KCNIP4: variants seen among roughly 807,000 people sequenced by gnomAD.
KCNIP4 encodes Kv channel-interacting protein 4.
A neutral mutation model predicts 34.0 loss-of-function variants in KCNIP4; 12 were observed. The observed-to-expected ratio is 0.35, with a 90% CI of 0.23 to 0.57. The LOEUF is 0.57. Among genes scored for constraint, KCNIP4 ranks in the 20% least tolerant of loss-of-function variants. The probability of loss-of-function intolerance (pLI) is 0.83; values close to 1 mark genes in which losing one functional copy is unlikely to be tolerated. For missense variants in KCNIP4, 238 were observed against 311.7 expected, an observed-to-expected ratio of 0.76 and a Z score of 1.78; for synonymous variants, 124 against 102.2, an observed-to-expected ratio of 1.21 and a Z score of -1.29.
chr4:21,900,497 T>C (rs1406529507), intron 1 of KCNIP4, among the ~76,000 whole-genome samples: 1 of 152,174 alleles, frequency 6.6e-6, no homozygotes, highest in Non-Finnish European at 1.5e-5. Context: ...GAGAAAGTAG[T>C]ACCAATCCAG....
intron 2 of KCNIP4, among the ~76,000 whole-genome samples, chr4:20,863,486 C>T (rs750509191): frequency 6.6e-6 from 1 of 152,138 alleles, no homozygotes; most frequent in East Asian, 1.9e-4. Context: ...GGCTGCCTGA[C>T]CCCTAAACTA....
intron 1 of KCNIP4, among the ~76,000 whole-genome samples, chr4:21,941,448 G>A (rs1289517286): frequency 6.6e-6 from 1 of 151,154 alleles, no homozygotes; most frequent in Non-Finnish European, 1.5e-5. Flanking sequence ...GACATCTGGA[G>A]ATGGAAGTCT....
chr4:21,410,495 A>G (rs184207737), intron 1 of KCNIP4, among the ~76,000 whole-genome samples: 1 of 152,166 alleles, frequency 6.6e-6, no homozygotes, highest in Non-Finnish European at 1.5e-5. Flanking sequence ...CATTCAAGCA[A>G]CACTATGGAA....
chr4:21,365,291 C>A lies in KCNIP4; in HGVS notation c.62-482582G>T, dbSNP rs142876582. Among the ~76,000 whole-genome samples the A allele has an allele frequency of 1.1e-3, 161 of 151,994 alleles. 1 individual carries two copies. The highest frequency in any genetic ancestry group is 3.8e-3 in the African/African-American group (158 of 41,460). On this transcript the variant is annotated intron_variant, in intron 1 of 8. Coordinates refer to ENST00000382152, the MANE Select transcript of KCNIP4 (RefSeq NM_025221.6). ...CTTGAGGTCAAGAGTTCAAGACCAG[C>A]CTGGTCAATATGATGGAACCCCATC...
At chr4:21,450,116 G>T (rs1728386562) in intron 1 of KCNIP4, among the ~76,000 whole-genome samples, 1 of 152,026 alleles carries the variant, frequency 6.6e-6, no homozygotes, top group African/African-American at 2.4e-5. Flanking sequence ...GGGAAACAAA[G>T]GATGCCAGGG....
intron 3 of KCNIP4, among the ~76,000 whole-genome samples, chr4:20,828,649 G>A (rs936321087): frequency 2.0e-5 from 3 of 152,246 alleles, no homozygotes; most frequent in Admixed American, 6.5e-5. Context: ...AAGCTGAGTC[G>A]CTCACTCATT....
chr4:20,875,404 CAG>C (rs1258473345), intron 2 of KCNIP4, among the ~76,000 whole-genome samples: 1 of 152,092 alleles, frequency 6.6e-6, no homozygotes, highest in Non-Finnish European at 1.5e-5. Context: ...GTCCACCTTA[CAG>C]AGTTATTTTT....
chr4:21,657,236 T>C (rs1748033613), intron 1 of KCNIP4, among the ~76,000 whole-genome samples: 2 of 152,218 alleles, frequency 1.3e-5, no homozygotes, highest in East Asian at 3.9e-4. Flanking sequence ...TTTTACTTGC[T>C]TTTTCGTTAT....
intron 1 of KCNIP4, among the ~76,000 whole-genome samples, chr4:21,096,753 T>G (rs1026252928): frequency 2.6e-5 from 4 of 152,162 alleles, no homozygotes; most frequent in Admixed American, 1.3e-4. Flanking sequence ...TGAATAATTT[T>G]AATTTAAAGA....
At chr4:21,872,847 C>T (rs559299436) in intron 1 of KCNIP4, among the ~76,000 whole-genome samples, 51 of 152,276 alleles carry the variant, frequency 3.3e-4, no homozygotes, top group African/African-American at 1.2e-3. Context: ...ATAGTATTAA[C>T]TTTTTCTATG....
chr4:21,046,859 C>T (rs979197034), intron 1 of KCNIP4, among the ~76,000 whole-genome samples: 8 of 152,182 alleles, frequency 5.3e-5, no homozygotes, highest in African/African-American at 1.7e-4. Context: ...TTCCAAAGTG[C>T]TGGGATTACA....
rs908694132 is a variant in KCNIP4 at position 21,591,136 on chromosome 4, T to C, written c.61+357435A>G. Among the ~76,000 whole-genome samples the C allele has an allele frequency of 2.6e-5, 4 of 152,018 alleles. No homozygotes were observed. The South Asian group carries it at 6.2e-4, about 24-fold the overall frequency. ...ATGGGACAAATAGTGCCTGCATTTA[T>C]TGAAGGATTACTCAGAGAATCTAAA... On this transcript the variant is annotated intron_variant, in intron 1 of 8. Coordinates refer to ENST00000382152, the MANE Select transcript of KCNIP4 (RefSeq NM_025221.6).
At chr4:21,768,529 C>A (rs1210694276) in intron 1 of KCNIP4, among the ~76,000 whole-genome samples, 1 of 152,076 alleles carries the variant, frequency 6.6e-6, no homozygotes, top group African/African-American at 2.4e-5. Flanking sequence ...CTTGAGGTAC[C>A]TTTGTTTACA....
chr4:21,809,902 T>A (rs1721521498), intron 1 of KCNIP4, among the ~76,000 whole-genome samples: 1 of 152,200 alleles, frequency 6.6e-6, no homozygotes, highest in South Asian at 2.1e-4. Flanking sequence ...TGTTTAGAAC[T>A]GACATCCTAG....
intron 1 of KCNIP4, among the ~76,000 whole-genome samples, chr4:21,826,579 G>A (rs567471757): frequency 1.3e-4 from 19 of 151,870 alleles, no homozygotes; most frequent in African/African-American, 4.1e-4. Flanking sequence ...ATTTTTAAAC[G>A]GTCACTGAAA....
At chr4:20,783,139 C>T (rs1346736869) in intron 3 of KCNIP4, among the ~76,000 whole-genome samples, 1 of 152,182 alleles carries the variant, frequency 6.6e-6, no homozygotes, top group Non-Finnish European at 1.5e-5. Flanking sequence ...TCAGACTGGA[C>T]CTTATTGTCC....
At chr4:21,376,059 G>A (rs1230632289) in intron 1 of KCNIP4, among the ~76,000 whole-genome samples, 1 of 152,148 alleles carries the variant, frequency 6.6e-6, no homozygotes, top group African/African-American at 2.4e-5. Flanking sequence ...TTACCCCAGA[G>A]TATCTTAAGT....
chr4:21,456,819 C>T (rs559155455), intron 1 of KCNIP4, among the ~76,000 whole-genome samples: 2 of 151,990 alleles, frequency 1.3e-5, no homozygotes, highest in African/African-American at 2.4e-5. Context: ...TAATTTTTTA[C>T]AGAATGAATT....
chr4:20,800,303 T>A (rs1432704888), intron 3 of KCNIP4, among the ~76,000 whole-genome samples: 2 of 152,170 alleles, frequency 1.3e-5, no homozygotes, highest in Admixed American at 6.5e-5. Flanking sequence ...CAAAAGCTAC[T>A]CTGTAAAGTT....
Sources: allele counts gnomAD v4.1 joint callset (sites outside exome capture counted in the v4.1 genomes callset), GRCh38; gene constraint gnomAD v4.1.1; transcripts MANE v1.5; gene names NCBI Gene and HGNC (gene_info 2026-07-23, HGNC 2026-07-21).